Variants in TBL1XR1 observed in about 807,000 individuals in gnomAD.
TBL1XR1 encodes TBL1X/Y related 1.
In TBL1XR1, 5 loss-of-function variants were observed where a neutral mutation model predicts 66.9. The observed-to-expected ratio is 0.07, with a 90% CI of 0.04 to 0.16. The LOEUF is 0.16. Ranked by LOEUF, TBL1XR1 falls within the 10% of genes least tolerant of loss-of-function variation. The probability of loss-of-function intolerance (pLI) is 1.00; values close to 1 mark genes in which losing one functional copy is unlikely to be tolerated. For synonymous variants in TBL1XR1, 210 were observed against 206.0 expected, an observed-to-expected ratio of 1.02 and a Z score of -0.17; for missense variants, 238 against 623.2, an observed-to-expected ratio of 0.38 and a Z score of 6.58.
intron 7 of TBL1XR1, among the ~76,000 whole-genome samples, 154 bp downstream of exon 7, chr3:177,049,843 G>A (rs1463703815): frequency 1.3e-5 from 2 of 151,780 alleles, no homozygotes; most frequent in South Asian, 2.1e-4. Flanking sequence ...CCCACAGTGG[G>A]GGAGAGGGCT....
At position 177,043,336 on chromosome 3, in the gene TBL1XR1, AAC is replaced by A. The variant is rs575207613; in HGVS notation, c.925+2791_925+2792del. ...TCAGTTTTTGCTTCATATGTTTTGAAACAGTGTTATTAAATGCATTATCATTT... is the reference window on the plus strand; with the variant it reads ...TCAGTTTTTGCTTCATATGTTTTGAAAGTGTTATTAAATGCATTATCATTT... On this transcript the variant is annotated intron_variant, in intron 10 of 15. Coordinates refer to ENST00000457928, the MANE Select transcript of TBL1XR1 (RefSeq NM_024665.7). 8.3e-4 allele frequency among the ~76,000 whole-genome samples: 127 copies of A among 152,286 alleles called. 1 individual carries two copies. The highest frequency in any genetic ancestry group is 2.6e-3 in the African/African-American group (107 of 41,570).
At chr3:177,079,501 T>G (rs1041648900) in intron 2 of TBL1XR1, 1 of 152,054 alleles carries the variant, frequency 6.6e-6, no homozygotes, top group South Asian at 2.1e-4. Context: ...TTGGACTTAT[T>G]TGTAATTTTT....
intron 2 of TBL1XR1, among the ~76,000 whole-genome samples, chr3:177,092,251 C>G (rs1024355653): frequency 9.2e-5 from 14 of 152,106 alleles, no homozygotes; most frequent in African/African-American, 3.4e-4. Flanking sequence ...GTGAAATATT[C>G]TGCCACCCCA....
intron 1 of TBL1XR1, among the ~76,000 whole-genome samples, chr3:177,139,432 G>A (rs1389209327): frequency 1.3e-5 from 2 of 152,056 alleles, no homozygotes; most frequent in East Asian, 1.9e-4. Context: ...CTACTTGGGC[G>A]GCTGAGGCAG....
At chr3:177,105,808 G>A (rs566829455) in intron 1 of TBL1XR1, among the ~76,000 whole-genome samples, 1 of 152,214 alleles carries the variant, frequency 6.6e-6, no homozygotes, top group South Asian at 2.1e-4. Flanking sequence ...GTGTGCATGT[G>A]TGTGATTCCA....
chr3:177,161,830 A>G (rs1048864976), intron 1 of TBL1XR1, among the ~76,000 whole-genome samples: 4 of 152,080 alleles, frequency 2.6e-5, no homozygotes, highest in African/African-American at 4.8e-5. Context: ...TAAGAATCAT[A>G]TATCAACAAT....
At chr3:177,153,095 A>G (rs1311601512) in intron 1 of TBL1XR1, among the ~76,000 whole-genome samples, 1 of 152,178 alleles carries the variant, frequency 6.6e-6, no homozygotes, top group Non-Finnish European at 1.5e-5. Flanking sequence ...AAATTGCACC[A>G]CTGCACTCTA....
chr3:177,176,683 C>T (rs1024802632), intron 1 of TBL1XR1, among the ~76,000 whole-genome samples: 3 of 151,828 alleles, frequency 2.0e-5, no homozygotes, highest in Non-Finnish European at 4.4e-5. Context: ...GGCGTGATGG[C>T]GCATGCCTGT....
At chr3:177,154,136 C>G (rs1731221208) in intron 1 of TBL1XR1, among the ~76,000 whole-genome samples, 6 of 151,912 alleles carry the variant, frequency 3.9e-5, no homozygotes. Flanking sequence ...CAACTATATC[C>G]TGTTTAAAAG....
intron 1 of TBL1XR1, among the ~76,000 whole-genome samples, chr3:177,184,801 A>C (rs924813740): frequency 3.4e-4 from 13 of 38,136 alleles, no homozygotes; most frequent in Non-Finnish European, 9.8e-4. Flanking sequence ...ACTGTGGCTC[A>C]AAAAAAAAAA....
intron 9 of TBL1XR1, among the ~76,000 whole-genome samples, chr3:177,046,505 G>A (rs180898422): frequency 3.3e-5 from 5 of 152,192 alleles, no homozygotes; most frequent in Admixed American, 1.3e-4. Flanking sequence ...TGTAAGACTC[G>A]TATAGATGTT....
intron 3 of TBL1XR1, among the ~76,000 whole-genome samples, chr3:177,059,468 A>G (rs372070104): frequency 6.6e-6 from 1 of 152,236 alleles, no homozygotes; most frequent in African/African-American, 2.4e-5. Context: ...TAAATTAAAA[A>G]ATAATAGTAT....
chr3:177,157,127 T>C (rs1360185126), intron 1 of TBL1XR1, among the ~76,000 whole-genome samples: 1 of 152,180 alleles, frequency 6.6e-6, no homozygotes, highest in Non-Finnish European at 1.5e-5. Flanking sequence ...GAGGACTGCT[T>C]GAGCCCATGA....
At chr3:177,117,612 C>T (rs968387789) in intron 1 of TBL1XR1, among the ~76,000 whole-genome samples, 1 of 152,154 alleles carries the variant, frequency 6.6e-6, no homozygotes, top group African/African-American at 2.4e-5. Flanking sequence ...ATCTAATGTG[C>T]TCTATAAATT....
chr3:177,098,616 T>C (rs1577159383), intron 1 of TBL1XR1, 75 bp from the exon 2 acceptor site: 2 of 772,522 alleles, frequency 2.6e-6, no homozygotes, highest in Non-Finnish European at 3.1e-6. Context: ...ATACCAAATG[T>C]TACATGTTTG....
chr3:177,143,785 C>CTGTT lies in TBL1XR1; in HGVS notation c.-121-45245_-121-45244insAACA, dbSNP rs1460079659. Among the ~76,000 whole-genome samples, 122 of 152,284 alleles carry CTGTT rather than the reference C, an allele frequency of 8.0e-4. No homozygotes were observed. In the South Asian group the frequency reaches 0.023, roughly 29 times the overall value. On this transcript the variant is annotated intron_variant, in intron 1 of 15. Transcript: ENST00000457928. ...TAAGATGGGTCTCTGATAGTTCATTCAGGCTCTAACAGAATTAAATTATCA... is the reference window on the plus strand; with the variant it reads ...TAAGATGGGTCTCTGATAGTTCATTCTGTTAGGCTCTAACAGAATTAAATTATCA...
chr3:177,147,877 T>A (rs528811222), intron 1 of TBL1XR1, among the ~76,000 whole-genome samples: 1 of 152,322 alleles, frequency 6.6e-6, no homozygotes, highest in South Asian at 2.1e-4. Context: ...TTTTGAATAA[T>A]GTGATCTACT....
intron 1 of TBL1XR1, among the ~76,000 whole-genome samples, chr3:177,131,211 G>A (rs1371668618): frequency 1.3e-5 from 2 of 152,046 alleles, no homozygotes; most frequent in Non-Finnish European, 2.9e-5. Flanking sequence ...ACACTTCAAA[G>A]AGAACATACT....
At chr3:177,153,812 G>A (rs573590035) in intron 1 of TBL1XR1, among the ~76,000 whole-genome samples, 1 of 150,826 alleles carries the variant, frequency 6.6e-6, no homozygotes, top group East Asian at 1.9e-4. Flanking sequence ...GGGAGGCGGA[G>A]GTTGCAGTGA....
Sources: allele counts gnomAD v4.1 joint callset (sites outside exome capture counted in the v4.1 genomes callset), GRCh38; gene constraint gnomAD v4.1.1; transcripts MANE v1.5; gene names NCBI Gene and HGNC (gene_info 2026-07-23, HGNC 2026-07-21).